The following PARP16 variants were observed in gnomAD, a reference collection of about 807,000 sequenced individuals.
PARP16 encodes protein mono-ADP-ribosyltransferase PARP16.
A neutral mutation model predicts 35.0 loss-of-function variants in PARP16; 31 were observed. The ratio of observed to expected loss-of-function variants is 0.88; its 90% confidence interval spans 0.66 to 1.19. The LOEUF (loss-of-function observed/expected upper bound fraction) is 1.19. PARP16 is among the 50% of genes most tolerant of loss of function. PARP16 has a pLI of 0.00. For missense variants in PARP16, 424 were observed against 411.2 expected, an observed-to-expected ratio of 1.03 and a Z score of -0.27; for synonymous variants, 162 against 169.5, an observed-to-expected ratio of 0.96 and a Z score of 0.34.
chr15:65,240,192 G>A (rs1002328171), intron 3 of PARP16, among the ~76,000 whole-genome samples: 1 of 151,486 alleles, frequency 6.6e-6, no homozygotes, highest in Admixed American at 6.6e-5. Flanking sequence ...CGCCCAGGCT[G>A]GAGAGCAGTG....
intron 1 of PARP16, among the ~76,000 whole-genome samples, chr15:65,284,728 C>CA (rs1479545096): frequency 5.9e-5 from 9 of 151,436 alleles, no homozygotes; most frequent in Non-Finnish European, 8.8e-5. Context: ...CTTATTCCCT[C>CA]AGTGATTGCT....
chr15:65,247,067 T>C (rs1595988578), intron 3 of PARP16, among the ~76,000 whole-genome samples: 3 of 152,188 alleles, frequency 2.0e-5, no homozygotes, highest in East Asian at 1.9e-4. Context: ...CATAGCTCAC[T>C]GCAGCCTCGA....
At position 65,237,580 on chromosome 15, in the gene PARP16, G is replaced by C. The variant is rs145597778; in HGVS notation, c.*98-2757C>G. ...AAGAGGAGGAAGTAGTGTGACCACA[G>C]AGAGGGAGATTGGAGTGATGTGGCT... is the stretch of plus-strand genomic sequence containing the variant. On this transcript the variant is annotated intron_variant and NMD_transcript_variant, in intron 3 of 3. Coordinates refer to the PARP16 transcript ENST00000559805. Among the ~76,000 whole-genome samples the C allele has an allele frequency of 3.9e-5, 6 of 152,196 alleles. No homozygotes were observed. The East Asian group carries it at 9.7e-4, about 24-fold the overall frequency.
chr15:65,277,861 G>A (rs2090302684), intron 1 of PARP16, among the ~76,000 whole-genome samples: 1 of 152,210 alleles, frequency 6.6e-6, no homozygotes, highest in African/African-American at 2.4e-5. Context: ...CTGTGCCTAA[G>A]CCAAAGGTAG....
At chr15:65,276,079 A>C (rs2090245302) in intron 1 of PARP16, among the ~76,000 whole-genome samples, 1 of 152,146 alleles carries the variant, frequency 6.6e-6, no homozygotes, top group Admixed American at 6.5e-5. Context: ...CTCCTACTGC[A>C]TCTGCCCAGA....
At chr15:65,246,133 C>G (rs574598321) in intron 3 of PARP16, among the ~76,000 whole-genome samples, 80 of 152,298 alleles carry the variant, frequency 5.3e-4, no homozygotes, top group Non-Finnish European at 8.7e-4. Context: ...CTCGGCCACC[C>G]TGAGCTCACT....
downstream of PARP16, among the ~76,000 whole-genome samples, chr15:65,254,671 A>G (rs2089452752): frequency 6.6e-6 from 1 of 152,102 alleles, no homozygotes; most frequent in Non-Finnish European, 1.5e-5. Context: ...TGGCAACGGG[A>G]TGAATGCTGC....
At chr15:65,255,928 G>A (rs1281756221), downstream of PARP16, among the ~76,000 whole-genome samples, 2 of 151,964 alleles carry the variant, frequency 1.3e-5, no homozygotes, top group Non-Finnish European at 2.9e-5. Context: ...CAGAATTCCT[G>A]GAAACTGCAA....
Position 65,267,198 on chromosome 15 carries a change from G to A in PARP16, c.313-430C>T, listed in dbSNP as rs576910385. Among the ~76,000 whole-genome samples the A allele has an allele frequency of 3.9e-5, 6 of 152,124 alleles. No individual in the cohort carries two copies. The East Asian group carries it at 5.8e-4, about 15-fold the overall frequency. ...GGAGGTTGCAGTGAGCAGAGATCAC[G>A]TCACTGTACTCCAGACTGGGCAACA... On this transcript the variant is annotated intron_variant, in intron 2 of 5. Coordinates refer to ENST00000649807, the MANE Select transcript of PARP16 (RefSeq NM_001316943.2).
At position 65,236,682 on chromosome 15, in the gene PARP16, T is replaced by G. The variant is rs374296095; in HGVS notation, c.*98-1859A>C. ...GTATTGGACTTCCGCATAAAAGTTGTGGGAAGCTGGCTGGGCACGGTGGCT... is the reference window on the plus strand; with the variant it reads ...GTATTGGACTTCCGCATAAAAGTTGGGGGAAGCTGGCTGGGCACGGTGGCT... On this transcript the variant is annotated intron_variant and NMD_transcript_variant, in intron 3 of 3. Transcript: ENST00000559805. Among the ~76,000 whole-genome samples, 45 of 152,194 alleles carry G rather than the reference T, an allele frequency of 3.0e-4. 1 individual carries two copies. Among genetic ancestry groups the G allele is most frequent in the African/African-American group, 1.1e-3 (45 of 41,546 alleles).
chr15:65,242,114 T>C (rs1161635485), intron 3 of PARP16, among the ~76,000 whole-genome samples: 1 of 152,222 alleles, frequency 6.6e-6, no homozygotes, highest in African/African-American at 2.4e-5. Context: ...CTAGCACCAT[T>C]TGTTGAAAAT....
intron 1 of PARP16, among the ~76,000 whole-genome samples, chr15:65,275,512 G>A (rs142156840): frequency 0.021 from 3,207 of 152,252 alleles, 51 homozygotes; most frequent in Admixed American, 0.036. Flanking sequence ...AAACCAACAG[G>A]AAAGTATTAA....
Position 65,270,967 on chromosome 15 carries a change from C to T in PARP16, c.280G>A (p.Val94Ile), listed in dbSNP as rs1165516400. The T allele has an allele frequency of 1.9e-6, 3 of 1,614,120 alleles. No individual in the cohort carries two copies. The highest frequency in any genetic ancestry group is 2.5e-6 in the Non-Finnish European group (3 of 1,180,022). ...TTCCCTGCACTGTGGATTGTCAGGACCTTTGAGGATAAAATCCAGCTCACC... is the reference window on the plus strand; with the variant it reads ...TTCCCTGCACTGTGGATTGTCAGGATCTTTGAGGATAAAATCCAGCTCACC... ...DLVSWILSSK[V>I]LTIHSAGKAE... Residue 94 changes from valine to isoleucine, a missense_variant, in exon 2 of 6, where the codon GTC becomes ATC. Coordinates refer to ENST00000649807, the MANE Select transcript of PARP16 (RefSeq NM_001316943.2).
rs570721955 is a variant in PARP16, at chr15:65,238,532, G to C, written c.*98-3709C>G. On this transcript the variant is annotated intron_variant and NMD_transcript_variant, in intron 3 of 3. Transcript: ENST00000559805. ...CCAAACTGCTAGCAAGTCTTGTCTT[G>C]TTGTTTAGGTCTTATAATCTCTCTC... is the stretch of plus-strand genomic sequence containing the variant. Among the ~76,000 whole-genome samples, 31 of 152,198 alleles carry C rather than the reference G, an allele frequency of 2.0e-4. No homozygotes were observed. In the East Asian group the frequency reaches 5.6e-3, roughly 28 times the overall value.
At chr15:65,237,754 G>C (rs1431712679) in intron 3 of PARP16, among the ~76,000 whole-genome samples, 1 of 152,166 alleles carries the variant, frequency 6.6e-6, no homozygotes, top group African/African-American at 2.4e-5. Context: ...AGAACTGTAA[G>C]AGAATAAATC....
At chr15:65,268,927 G>T (rs143585377) in intron 2 of PARP16, among the ~76,000 whole-genome samples, 2 of 151,470 alleles carry the variant, frequency 1.3e-5, no homozygotes, top group Non-Finnish European at 2.9e-5. Context: ...GCTAATTTTT[G>T]TATTTTTATT....
At chr15:65,247,808 T>TC (rs1173536088) in intron 3 of PARP16, among the ~76,000 whole-genome samples, 89 of 147,980 alleles carry the variant, frequency 6.0e-4, no homozygotes, top group African/African-American at 2.1e-3. Flanking sequence ...CTTTTTTTTT[T>TC]TTTTTTTTTT....
rs746791136 is a variant in PARP16 at position 65,263,284 on chromosome 15, C to T, written c.556G>A (p.Asp186Asn). The stretch of plus-strand genomic sequence containing the variant: ...CTGTATATGAGGGCCAGGCTCAAGT[C>T]ACTGGTGAGGTAGGTCCCCTCTCCG... ...LFGEGTYLTS[D>N]LSLALIYSPH... The change falls in exon 4 of 6, where the codon GAC (aspartate) becomes AAC (asparagine). Residue 186 changes from aspartate to asparagine, a missense_variant. Asp to Asn is a conservative substitution (Grantham distance 23). Coordinates refer to ENST00000649807, the MANE Select transcript of PARP16 (RefSeq NM_001316943.2). The T allele has an allele frequency of 1.9e-6, 3 of 1,609,812 alleles. No homozygotes were observed.
chr15:65,280,999 G>A (rs1171666518), intron 1 of PARP16, among the ~76,000 whole-genome samples: 1 of 152,156 alleles, frequency 6.6e-6, no homozygotes, highest in Non-Finnish European at 1.5e-5. Context: ...TTTCTAATGA[G>A]CACCCAGGTG....
Sources: gnomAD v4.1 joint callset for allele counts (sites outside exome capture counted in the v4.1 genomes callset) on GRCh38, gnomAD v4.1.1 for gene constraint, MANE v1.5 for transcripts, NCBI Gene and HGNC (gene_info 2026-07-23, HGNC 2026-07-21) for gene names.